The following PALS2 variants were observed in gnomAD, a reference collection of about 807,000 sequenced individuals.
PALS2 encodes the protein protein associated with LIN7 2, MAGUK p55 family member.
Under a neutral mutation model 61.6 loss-of-function variants are expected in PALS2, and 27 were observed. The ratio of observed to expected loss-of-function variants is 0.44; its 90% CI spans 0.32 to 0.60. The LOEUF is 0.60. Ranked by LOEUF, PALS2 falls within the 20% of genes least tolerant of loss-of-function variation. PALS2 has a pLI of 0.05. For synonymous variants in PALS2, 236 were observed against 218.6 expected (o/e 1.08, Z -0.70); for missense variants, 554 against 639.4 (o/e 0.87, Z 1.44).
At chr7:24,668,368 T>G in intron 8 of PALS2, 131 bp from the exon 9 acceptor site, 1 of 778,656 alleles carries the variant, frequency 1.3e-6, no homozygotes, top group African/African-American at 1.8e-5. Context: ...AAAACAAATC[T>G]ATGCTAAGTG....
Position 24,663,627 on chromosome 7 carries a change from A to G in PALS2, c.689A>G (p.Asn230Ser), listed in dbSNP as rs189942894. 71 of 1,593,692 alleles carry G rather than the reference A, an allele frequency of 4.5e-5. No individual in the cohort carries two copies. The East Asian group carries it at 1.1e-3, about 24-fold the overall frequency. The change falls in exon 6 of 12, where the codon AAT becomes AGT. Residue 230 changes from asparagine (N) to serine (S), a missense_variant. Transcript: ENST00000222644. The stretch of plus-strand genomic sequence containing the variant: ...TGTCATTTTGATTATAATCCATACA[A>G]TGACAACCTAATACCTTGCAAAGAA... Reference protein sequence around the residue: ...VKCHFDYNPYNDNLIPCKEAG... With the variant: ...VKCHFDYNPYSDNLIPCKEAG...
Position 24,668,611 on chromosome 7 carries a change from A to G in PALS2, c.1065A>G (p.Lys355=). 6.2e-7 allele frequency: 1 copy of G among 1,613,998 alleles called. No homozygotes were observed. Among genetic ancestry groups the G allele is most frequent in the Non-Finnish European group, 8.5e-7 (1 of 1,179,924 alleles). The change falls in exon 9 of 12, where the codon AAA becomes AAG. Residue 355 remains lysine, a synonymous_variant. Transcript: ENST00000222644. ...AAGGTGTAGGCCGAAGAAGCTTGAAAAACAGGTTCATAGTATTGAATCCCA... is the reference window on the plus strand; with the variant it reads ...AAGGTGTAGGCCGAAGAAGCTTGAAGAACAGGTTCATAGTATTGAATCCCA... The part of the protein sequence containing the change: ...GAQGVGRRSL[K]NRFIVLNPTR...
intron 2 of PALS2, among the ~76,000 whole-genome samples, chr7:24,638,761 G>T: frequency 6.6e-6 from 1 of 151,934 alleles, no homozygotes; most frequent in Non-Finnish European, 1.5e-5. Context: ...ACTCTCCCCT[G>T]ACCCCCAACC....
intron 1 of PALS2, among the ~76,000 whole-genome samples, chr7:24,603,378 C>CT (rs1783784606): frequency 6.6e-6 from 1 of 152,118 alleles, no homozygotes; most frequent in Non-Finnish European, 1.5e-5. Flanking sequence ...TGGTTGGAAA[C>CT]AAATAGAGAA....
At chr7:24,614,114 C>T (rs760047524) in intron 1 of PALS2, among the ~76,000 whole-genome samples, 14 of 151,798 alleles carry the variant, frequency 9.2e-5, no homozygotes, top group Non-Finnish European at 2.1e-4. Flanking sequence ...CCAGTAGTGG[C>T]ATTGCTGGAT....
intron 10 of PALS2, among the ~76,000 whole-genome samples, 177 bp downstream of exon 10, chr7:24,679,510 C>A (rs1478183136): frequency 6.6e-6 from 1 of 152,108 alleles, no homozygotes; most frequent in Non-Finnish European, 1.5e-5. Flanking sequence ...TTAAATAAAT[C>A]TCTGAACAAT....
intron 5 of PALS2, 176 bp from the exon 6 acceptor site, chr7:24,663,414 C>T (rs143528096): frequency 1.9e-6 from 1 of 518,540 alleles, no homozygotes; most frequent in Non-Finnish European, 3.0e-6. Flanking sequence ...CTTTCTGATA[C>T]CAAAATCTGT....
chr7:24,666,995 A>C (rs913657571), intron 8 of PALS2: 4 of 152,192 alleles, frequency 2.6e-5, no homozygotes, highest in Admixed American at 2.0e-4. Flanking sequence ...AATAAACTAA[A>C]TAGCACACCA....
chr7:24,683,702 A>G (rs1788052218), intron 11 of PALS2, among the ~76,000 whole-genome samples: 1 of 152,120 alleles, frequency 6.6e-6, no homozygotes, highest in Non-Finnish European at 1.5e-5. Flanking sequence ...AACAGTGCCC[A>G]TTGTCACATA....
At chr7:24,671,450 C>T (rs6461816) in intron 9 of PALS2, among the ~76,000 whole-genome samples, 1,984 of 152,222 alleles carry the variant, frequency 0.013, 48 homozygotes, top group East Asian at 0.092. Flanking sequence ...ATGATTTGCA[C>T]GTATTAATAT....
At chr7:24,627,285 G>A (rs1784789785) in intron 2 of PALS2, among the ~76,000 whole-genome samples, 1 of 152,126 alleles carries the variant, frequency 6.6e-6, no homozygotes, top group Admixed American at 6.5e-5. Context: ...TGAAATTAAG[G>A]CAGAAATAAA....
chr7:24,608,968 G>C (rs981212078), intron 1 of PALS2, among the ~76,000 whole-genome samples: 2 of 151,934 alleles, frequency 1.3e-5, no homozygotes, highest in African/African-American at 4.8e-5. Flanking sequence ...CTTATTTTTT[G>C]GTTGCTCCTT....
At chr7:24,680,591 T>C (rs1787871844) in intron 11 of PALS2, 71 bp downstream of exon 11, 1 of 1,465,916 alleles carries the variant, frequency 6.8e-7, no homozygotes, top group African/African-American at 1.4e-5. Flanking sequence ...TGTTATCTAA[T>C]TTATTTTTAT....
At chr7:24,685,832 C>T (rs1313950272) in intron 11 of PALS2, among the ~76,000 whole-genome samples, 1 of 152,044 alleles carries the variant, frequency 6.6e-6, no homozygotes, top group African/African-American at 2.4e-5. Context: ...AGTGAATCCA[C>T]TTCTCTCTCT....
intron 1 of PALS2, among the ~76,000 whole-genome samples, chr7:24,623,000 T>G (rs1784584992): frequency 6.6e-6 from 1 of 152,044 alleles, no homozygotes; most frequent in Non-Finnish European, 1.5e-5. Flanking sequence ...GAACCACTCG[T>G]TCATTCCTGG....
intron 2 of PALS2, among the ~76,000 whole-genome samples, chr7:24,641,093 A>G: frequency 6.6e-6 from 1 of 150,458 alleles, no homozygotes. Context: ...AGATTGTGAG[A>G]TTAAGAAAAA....
At chr7:24,636,610 A>G (rs1011964478) in intron 2 of PALS2, among the ~76,000 whole-genome samples, 5 of 152,238 alleles carry the variant, frequency 3.3e-5, no homozygotes, top group African/African-American at 1.2e-4. Flanking sequence ...TACTATGTAT[A>G]TACATGCATT....
At chr7:24,580,513 C>T (rs2128039105) in intron 1 of PALS2, among the ~76,000 whole-genome samples, 1 of 152,332 alleles carries the variant, frequency 6.6e-6, no homozygotes, top group Middle Eastern at 3.4e-3. Flanking sequence ...CATTGATCCC[C>T]ATTGCTTTAC....
chr7:24,661,927 G>A (rs769915342), intron 5 of PALS2, among the ~76,000 whole-genome samples: 1 of 152,010 alleles, frequency 6.6e-6, no homozygotes, highest in Non-Finnish European at 1.5e-5. Flanking sequence ...TCATTTTTCT[G>A]TCTTATCCGC....
Sources: allele counts gnomAD v4.1 joint callset (sites outside exome capture counted in the v4.1 genomes callset), GRCh38; gene constraint gnomAD v4.1.1; transcripts MANE v1.5; gene names NCBI Gene and HGNC (gene_info 2026-07-23, HGNC 2026-07-21).